The following MGMT variants were observed in gnomAD, a reference collection of about 807,000 sequenced individuals.
MGMT encodes methylated-DNA--protein-cysteine methyltransferase.
Under a neutral mutation model 15.9 loss-of-function variants are expected in MGMT, and 14 were observed. The observed-to-expected ratio is 0.88, with a 90% CI of 0.58 to 1.37. The LOEUF is 1.37. MGMT is among the 40% of genes most tolerant of loss of function. MGMT has a pLI of 0.00. For synonymous variants in MGMT, 130 were observed against 118.2 expected (o/e 1.10, Z -0.65); for missense variants, 282 against 268.1 (o/e 1.05, Z -0.36).
intron 2 of MGMT, among the ~76,000 whole-genome samples, chr10:129,657,695 A>G (rs113428116): frequency 5.7e-4 from 80 of 139,266 alleles, no homozygotes; most frequent in African/African-American, 1.5e-3. Flanking sequence ...ACACACACAC[A>G]CACACACACA....
intron 2 of MGMT, among the ~76,000 whole-genome samples, chr10:129,683,253 A>G (rs1457779021): frequency 6.6e-6 from 1 of 152,238 alleles, no homozygotes; most frequent in East Asian, 1.9e-4. Flanking sequence ...GTGCCTGCGT[A>G]GGAGTACGGG....
At chr10:129,481,365 G>C (rs1232802133) in intron 1 of MGMT, among the ~76,000 whole-genome samples, 2 of 152,204 alleles carry the variant, frequency 1.3e-5, no homozygotes, top group African/African-American at 4.8e-5. Context: ...TTGACGTGTG[G>C]ATATGTTTGA....
intron 3 of MGMT, among the ~76,000 whole-genome samples, chr10:129,756,957 G>A (rs754800352): frequency 2.0e-5 from 3 of 152,174 alleles, no homozygotes; most frequent in Non-Finnish European, 4.4e-5. Flanking sequence ...TTCAAGAACG[G>A]GTGTCATTCA....
chr10:129,759,563 C>A (rs3793903), intron 4 of MGMT, among the ~76,000 whole-genome samples: 71,527 of 151,958 alleles, frequency 0.47, 17,934 homozygotes, highest in Admixed American at 0.58. Context: ...GGGAGCACAT[C>A]TCCACTGCAT....
Position 129,759,218 on chromosome 10 carries a change from G to C in MGMT, c.291G>C (p.Gln97His). The change falls in exon 4 of 5, where the codon CAG (glutamine) becomes CAC (histidine). Residue 97 changes from glutamine to histidine, a missense_variant. By Grantham distance (24) the Gln-to-His change is conservative (BLOSUM62 0). Transcript: ENST00000651593. ...PVFQQESFTRQVLWKLLKVVK... is the reference protein window; with the variant it reads ...PVFQQESFTRHVLWKLLKVVK... Reference sequence around the variant, plus strand: ...TCCTTTCAGAGTCGTTCACCAGACAGGTGTTATGGAAGCTGCTGAAGGTTG... The same window carrying C: ...TCCTTTCAGAGTCGTTCACCAGACACGTGTTATGGAAGCTGCTGAAGGTTG... 6.2e-7 allele frequency: 1 copy of C among 1,614,206 alleles called. No individual in the cohort carries two copies. Among genetic ancestry groups the C allele is most frequent in the Non-Finnish European group, 8.5e-7 (1 of 1,180,034 alleles).
chr10:129,657,827 C>T (rs113050779), intron 2 of MGMT, among the ~76,000 whole-genome samples: 2 of 152,078 alleles, frequency 1.3e-5, no homozygotes, highest in African/African-American at 4.8e-5. Context: ...ATGAGGCCCC[C>T]GTTGTCATGG....
In MGMT at chr10:129,682,042, G is replaced by A. The variant is rs182238888; in HGVS notation, c.126-25853G>A. On this transcript the variant is annotated intron_variant, in intron 2 of 4. Transcript: ENST00000651593. ...AATCAGAGCCTCAGTGAGGTTCCAC[G>A]CAGAGACCACACACTCCTACAGCCA... 8.2e-4 allele frequency among the ~76,000 whole-genome samples: 125 copies of A among 152,202 alleles called. 1 individual carries two copies. The highest frequency in any genetic ancestry group is 4.6e-3 in the South Asian group (22 of 4,812).
chr10:129,646,744 A>ATTT (rs1448953343), intron 2 of MGMT, among the ~76,000 whole-genome samples: 5 of 79,262 alleles, frequency 6.3e-5, no homozygotes, highest in Non-Finnish European at 1.1e-4. Context: ...ATATATATAT[A>ATTT]TATATATATA....
At chr10:129,512,783 AC>A (rs1845698374) in intron 1 of MGMT, among the ~76,000 whole-genome samples, 1 of 152,096 alleles carries the variant, frequency 6.6e-6, no homozygotes, top group African/African-American at 2.4e-5. Flanking sequence ...AGAAATTGGA[AC>A]CCTGTGTGTT....
At position 129,755,825 on chromosome 10, in the gene MGMT, G is replaced by A. The variant is rs1232950862; in HGVS notation, c.275-3377G>A. On this transcript the variant is annotated intron_variant, in intron 3 of 4. Coordinates refer to ENST00000651593, the MANE Select transcript of MGMT (RefSeq NM_002412.5). ...TAGCAGATTATCACCGAGGAGAGAT[G>A]GACACCCAGGATAAGGAAGTGATGA... Among the ~76,000 whole-genome samples, 7 of 152,220 alleles carry A rather than the reference G, an allele frequency of 4.6e-5. No homozygotes were observed. The South Asian group carries it at 1.0e-3, about 22-fold the overall frequency.
chr10:129,576,485 AC>A (rs1343036347), intron 2 of MGMT, among the ~76,000 whole-genome samples: 2 of 152,140 alleles, frequency 1.3e-5, no homozygotes, highest in Non-Finnish European at 2.9e-5. Flanking sequence ...AAATTCAACA[AC>A]CCTTCATGCT....
intron 1 of MGMT, among the ~76,000 whole-genome samples, chr10:129,480,352 A>T (rs1393943841): frequency 6.6e-6 from 1 of 152,184 alleles, no homozygotes; most frequent in African/African-American, 2.4e-5. Flanking sequence ...GCTCTCTATG[A>T]CGTTAAAATC....
chr10:129,548,998 A>G (rs2119784377), intron 2 of MGMT, among the ~76,000 whole-genome samples: 1 of 152,342 alleles, frequency 6.6e-6, no homozygotes, highest in Non-Finnish European at 1.5e-5. Flanking sequence ...AATTGATGTC[A>G]TAAATAGCTG....
chr10:129,472,014 G>T (rs548305176), intron 1 of MGMT, among the ~76,000 whole-genome samples: 1 of 152,140 alleles, frequency 6.6e-6, no homozygotes, highest in South Asian at 2.1e-4. Flanking sequence ...AAACTTTGGC[G>T]TCAGTTTTAC....
At chr10:129,733,728 A>AT (rs1272122760) in intron 3 of MGMT, among the ~76,000 whole-genome samples, 1 of 151,816 alleles carries the variant, frequency 6.6e-6, no homozygotes, top group Admixed American at 6.6e-5. Context: ...TCTTGAATTG[A>AT]TTTTTGTATA....
intron 2 of MGMT, among the ~76,000 whole-genome samples, chr10:129,565,494 T>C (rs1846344118): frequency 6.6e-6 from 1 of 152,198 alleles, no homozygotes; most frequent in African/African-American, 2.4e-5. Flanking sequence ...ACTATTCCTT[T>C]CTTGTGGCTG....
At chr10:129,758,048 G>A (rs1206993051) in intron 3 of MGMT, among the ~76,000 whole-genome samples, 1 of 152,112 alleles carries the variant, frequency 6.6e-6, no homozygotes, top group East Asian at 1.9e-4. Flanking sequence ...TAATTTCTTT[G>A]ATGACCCTTT....
chr10:129,644,876 A>G (rs562355985), intron 2 of MGMT, among the ~76,000 whole-genome samples: 1 of 152,198 alleles, frequency 6.6e-6, no homozygotes, highest in East Asian at 1.9e-4. Context: ...CTTTTTGCAC[A>G]TCTCTTCACT....
chr10:129,630,899 T>C (rs1847202862), intron 2 of MGMT, among the ~76,000 whole-genome samples: 1 of 152,234 alleles, frequency 6.6e-6, no homozygotes, highest in Non-Finnish European at 1.5e-5. Context: ...TGGCTCACGT[T>C]AAAAATAGTT....
Sources: allele counts gnomAD v4.1 joint callset (sites outside exome capture counted in the v4.1 genomes callset), GRCh38; gene constraint gnomAD v4.1.1; transcripts MANE v1.5; gene names NCBI Gene and HGNC (gene_info 2026-07-23, HGNC 2026-07-21).